Variants in ABCD3 observed in about 807,000 individuals in gnomAD.
ABCD3 encodes ATP-binding cassette sub-family D member 3.
In ABCD3, 41 loss-of-function variants were observed where a neutral mutation model predicts 105.5. The ratio of observed to expected loss-of-function variants is 0.39; its 90% CI spans 0.30 to 0.50. The LOEUF is 0.50. Among genes scored for constraint, ABCD3 ranks in the 20% least tolerant of loss-of-function variants. ABCD3 has a pLI of 0.84. For synonymous variants in ABCD3, 258 were observed against 269.0 expected, an observed-to-expected ratio of 0.96 and a Z score of 0.40; for missense variants, 622 against 806.3, an observed-to-expected ratio of 0.77 and a Z score of 2.77.
chr1:94,462,188 C>T (rs1284937281), intron 2 of ABCD3, among the ~76,000 whole-genome samples: 1 of 151,720 alleles, frequency 6.6e-6, no homozygotes, highest in Non-Finnish European at 1.5e-5. Flanking sequence ...CCACAGTGGT[C>T]TTTTTTTTAT....
chr1:94,444,373 C>T (rs1174908927), intron 1 of ABCD3, among the ~76,000 whole-genome samples: 2 of 151,156 alleles, frequency 1.3e-5, no homozygotes, highest in African/African-American at 4.9e-5. Context: ...CTGTGTTGTC[C>T]GGGCTGGTCT....
intron 20 of ABCD3, among the ~76,000 whole-genome samples, chr1:94,501,448 C>G (rs1469163412): frequency 6.6e-6 from 1 of 152,030 alleles, no homozygotes; most frequent in Non-Finnish European, 1.5e-5. Flanking sequence ...AGAAGGCTAA[C>G]GCTACAAATA....
intron 1 of ABCD3, among the ~76,000 whole-genome samples, chr1:94,422,320 C>G (rs768198122): frequency 2.6e-5 from 4 of 152,144 alleles, no homozygotes; most frequent in Non-Finnish European, 5.9e-5. Flanking sequence ...CTCATAGGAG[C>G]GTGAACCTGT....
intron 2 of ABCD3, among the ~76,000 whole-genome samples, chr1:94,460,895 G>C (rs928385682): frequency 1.3e-5 from 2 of 152,178 alleles, no homozygotes; most frequent in Admixed American, 6.5e-5. Context: ...TTAGTTATCT[G>C]AACTTAGTCA....
chr1:94,431,517 C>A (rs1659681009), intron 1 of ABCD3, among the ~76,000 whole-genome samples: 1 of 151,540 alleles, frequency 6.6e-6, no homozygotes, highest in Non-Finnish European at 1.5e-5. Flanking sequence ...ATTTCTAGTT[C>A]AAAAAAAACC....
chr1:94,462,255 TA>T (rs1222675587), intron 2 of ABCD3, among the ~76,000 whole-genome samples: 2 of 152,164 alleles, frequency 1.3e-5, no homozygotes, highest in Non-Finnish European at 2.9e-5. Context: ...TTTTTGTATT[TA>T]AAAAAATTAC....
At chr1:94,412,931 G>A in the ABCD3 span, among the ~76,000 whole-genome samples, 2 of 151,786 alleles carry the variant, frequency 1.3e-5, no homozygotes, top group Non-Finnish European at 2.9e-5. Context: ...TTTAGCTTTT[G>A]GCCTTTTTCC....
In ABCD3 at chr1:94,480,573, A is replaced by G; in HGVS notation, c.794A>G (p.Tyr265Cys). 6.2e-7 allele frequency: 1 copy of G among 1,613,828 alleles called. No individual in the cohort carries two copies. The highest frequency in any genetic ancestry group is 8.5e-7 in the Non-Finnish European group (1 of 1,179,772). The change falls in exon 9 of 23, where the codon TAT becomes TGT. Residue 265 changes from tyrosine (Y) to cysteine (C), a missense_variant. By Grantham distance (194) the Tyr-to-Cys change is radical. Transcript: ENST00000370214. ...TITEQKYEGE[Y>C]RYVNSRLITN... is the part of the protein sequence containing the mutation. ...ACTGAGCAAAAGTATGAAGGAGAAT[A>G]TAGATATGTTAATTCTCGGCTCATC... is the stretch of plus-strand genomic sequence containing the variant.
chr1:94,506,714 A>G, intron 21 of ABCD3, 72 bp downstream of exon 21: 1 of 1,144,358 alleles, frequency 8.7e-7, no homozygotes, highest in Non-Finnish European at 1.3e-6. Context: ...AAATCTGTCC[A>G]AAGAGAAGAT....
chr1:94,406,479 A>T, the ABCD3 span: 2 of 425,526 alleles, frequency 4.7e-6, no homozygotes, highest in East Asian at 1.2e-4. Flanking sequence ...TCTGGGTGGA[A>T]CAGGCTGGCG....
At chr1:94,503,903 ATTCTTTTTTT>A (rs1650225609) in intron 20 of ABCD3, among the ~76,000 whole-genome samples, 1 of 92,306 alleles carries the variant, frequency 1.1e-5, no homozygotes, top group Admixed American at 1.3e-4. Context: ...GGTACAAGTG[ATTCTTTTTTT>A]TTTTTTTTTT....
chr1:94,425,064 A>G (rs1016874104), intron 1 of ABCD3, among the ~76,000 whole-genome samples: 1 of 152,184 alleles, frequency 6.6e-6, no homozygotes, highest in African/African-American at 2.4e-5. Flanking sequence ...TGTCTTTAGT[A>G]TATTTATGAG....
Position 94,418,603 on chromosome 1 carries a change from A to T in ABCD3, c.110+15A>T, listed in dbSNP as rs767095565. 2 of 1,582,018 alleles carry T rather than the reference A, an allele frequency of 1.3e-6. No individual in the cohort carries two copies. The highest frequency in any genetic ancestry group is 2.3e-5 in the South Asian group (2 of 88,228). On this transcript the variant is annotated intron_variant, in intron 1 of 22. Transcript: ENST00000370214. ...GGCCTGCACGGGTAAGAAGGCCCGTAGCCGTGCAGCTTTCCCGGGCTGGAG... is the reference window on the plus strand; with the variant it reads ...GGCCTGCACGGGTAAGAAGGCCCGTTGCCGTGCAGCTTTCCCGGGCTGGAG...
intron 21 of ABCD3, among the ~76,000 whole-genome samples, chr1:94,509,038 G>T (rs1650512499): frequency 6.6e-6 from 1 of 152,152 alleles, no homozygotes; most frequent in African/African-American, 2.4e-5. Context: ...TAGGAGTGGT[G>T]AGAGAGGGCA....
chr1:94,500,873 G>A (rs1650061176), intron 20 of ABCD3, among the ~76,000 whole-genome samples: 1 of 152,092 alleles, frequency 6.6e-6, no homozygotes, highest in South Asian at 2.1e-4. Flanking sequence ...TGGAAATTAG[G>A]CTGAAGGAGT....
chr1:94,454,696 A>G (rs1557669674), intron 1 of ABCD3, among the ~76,000 whole-genome samples: 3 of 152,184 alleles, frequency 2.0e-5, no homozygotes, highest in Admixed American at 2.0e-4. Flanking sequence ...CTGTCACCCA[A>G]GCTGGAGTGC....
At chr1:94,493,310 G>T (rs1251011265) in intron 16 of ABCD3, among the ~76,000 whole-genome samples, 1 of 151,956 alleles carries the variant, frequency 6.6e-6, no homozygotes, top group Non-Finnish European at 1.5e-5. Flanking sequence ...CTCAAAAGAA[G>T]ACATTTATGC....
the ABCD3 span, among the ~76,000 whole-genome samples, chr1:94,393,807 G>A: frequency 6.6e-6 from 1 of 152,144 alleles, no homozygotes; most frequent in African/African-American, 2.4e-5. Flanking sequence ...ACCTATTATA[G>A]CATCTATATC....
chr1:94,406,848 T>A, the ABCD3 span: 1 of 164,192 alleles, frequency 6.1e-6, no homozygotes, highest in South Asian at 1.7e-4. Context: ...GAACATGTAT[T>A]GGGTGGCTCT....
Sources: gnomAD v4.1 joint callset for allele counts (sites outside exome capture counted in the v4.1 genomes callset) on GRCh38, gnomAD v4.1.1 for gene constraint, MANE v1.5 for transcripts, NCBI Gene and HGNC (gene_info 2026-07-23, HGNC 2026-07-21) for gene names.